Variants in MYLK4 observed in about 807,000 individuals in gnomAD.
The protein encoded by MYLK4 is caMLCK like.
In MYLK4, 46 loss-of-function variants were observed where a neutral mutation model predicts 48.1. The ratio of observed to expected loss-of-function variants is 0.96; its 90% CI spans 0.75 to 1.22. MYLK4 has a LOEUF of 1.22. Ranked by LOEUF, MYLK4 falls within the 50% of genes most tolerant of loss-of-function variation. The pLI, the probability that MYLK4 is intolerant of heterozygous loss-of-function variation, is 0.00. For missense variants in MYLK4, 451 were observed against 486.1 expected, an observed-to-expected ratio of 0.93 and a Z score of 0.68; for synonymous variants, 170 against 180.8, an observed-to-expected ratio of 0.94 and a Z score of 0.48.
chr6:2,675,936 C>CA (rs1400779902), intron 10 of MYLK4, among the ~76,000 whole-genome samples: 2 of 151,758 alleles, frequency 1.3e-5, no homozygotes, highest in African/African-American at 2.4e-5. Flanking sequence ...ACTAAAAATA[C>CA]AAAAAATTAG....
chr6:2,671,395 C>A, intron 11 of MYLK4, 47 bp from the exon 12 acceptor site: 1 of 1,555,930 alleles, frequency 6.4e-7, no homozygotes, highest in East Asian at 2.2e-5. Flanking sequence ...CTGTTTCCTT[C>A]AGGTCCTGAC....
At chr6:2,671,248 A>T in intron 12 of MYLK4, 28 bp downstream of exon 12, 1 of 1,480,214 alleles carries the variant, frequency 6.8e-7, no homozygotes, top group Non-Finnish European at 9.4e-7. Flanking sequence ...GCCTTCACAG[A>T]CACCTCTTCA....
chr6:2,754,362 CTGGTATCTACTACAATATGGA>C (rs1238373466), upstream of MYLK4, among the ~76,000 whole-genome samples: 1 of 151,924 alleles, frequency 6.6e-6, no homozygotes, highest in African/African-American at 2.4e-5. Flanking sequence ...GAATGAAATA[CTGGTATCTACTACAATATGGA>C]TGAGCGAAAA....
the MYLK4 span, chr6:2,765,505 C>T: frequency 3.2e-6 from 4 of 1,252,148 alleles, no homozygotes; most frequent in Non-Finnish European, 4.0e-6. Context: ...CGCGAGCGTC[C>T]TGCTGGTTCC....
chr6:2,765,620 G>A, the MYLK4 span: 54 of 1,520,480 alleles, frequency 3.6e-5, no homozygotes, highest in African/African-American at 5.9e-4. Context: ...GGCGGCGGCC[G>A]CCATGGAGGT....
At chr6:2,690,210 G>C (rs905232029) in intron 3 of MYLK4, among the ~76,000 whole-genome samples, 1 of 152,114 alleles carries the variant, frequency 6.6e-6, no homozygotes, top group African/African-American at 2.4e-5. Context: ...AGTCGGCCCC[G>C]GGAGCTCCTC....
At position 2,685,505 on chromosome 6, in the gene MYLK4, TTGA is replaced by T. The variant is rs1173837773; in HGVS notation, c.410_412del (p.Ile137del). On this transcript the variant is annotated inframe_deletion, in exon 5 of 13. Transcript: ENST00000274643. This position sits in a 1 kb window ranked among gnomAD's most constrained non-coding sequence, Gnocchi z 4.5. ...TACCTTGTCCTTCATGCCTCTGGTC[TTGA>T]TGATTTTGGCTGCCAGCTTCAGACC... The T allele has an allele frequency of 6.2e-7, 1 of 1,614,044 alleles. No homozygotes were observed. Among genetic ancestry groups the T allele is most frequent in the African/African-American group, 1.3e-5 (1 of 74,910 alleles).
At position 2,709,063 on chromosome 6, in the gene MYLK4, TC is replaced by T. The variant is rs373765731; in HGVS notation, c.160-16205del. Among the ~76,000 whole-genome samples, 275 of 152,268 alleles carry T rather than the reference TC, an allele frequency of 1.8e-3. 1 individual carries two copies. Among genetic ancestry groups the T allele is most frequent in the African/African-American group, 6.2e-3 (259 of 41,560 alleles). ...CAACTCACTGCTATTTGACATTTCTTCCCACTTTGGCCATCATAACCCTCTA... is the reference window on the plus strand; with the variant it reads ...CAACTCACTGCTATTTGACATTTCTTCCACTTTGGCCATCATAACCCTCTA... On this transcript the variant is annotated intron_variant, in intron 2 of 12. Transcript: ENST00000274643.
chr6:2,763,423 G>T, the MYLK4 span, among the ~76,000 whole-genome samples: 1 of 152,216 alleles, frequency 6.6e-6, no homozygotes, highest in African/African-American at 2.4e-5. Context: ...CCGCGCAGGA[G>T]TCCCCAGTTG....
At chr6:2,766,273 G>A in the MYLK4 span, 1 of 1,578,610 alleles carries the variant, frequency 6.3e-7, no homozygotes. Context: ...CTGCCGAGGA[G>A]ATCCGACAGA....
At chr6:2,690,262 C>T (rs6925987) in intron 3 of MYLK4, among the ~76,000 whole-genome samples, 2,857 of 152,284 alleles carry the variant, frequency 0.019, 84 homozygotes, top group African/African-American at 0.065. Flanking sequence ...GTGTGTTCTT[C>T]CCCTGTGCCG....
At chr6:2,686,233 C>T (rs1269551958) in intron 4 of MYLK4, among the ~76,000 whole-genome samples, 1 of 152,222 alleles carries the variant, frequency 6.6e-6, no homozygotes, top group East Asian at 1.9e-4. Context: ...TGAGAACCAC[C>T]TTTACAGACA....
At chr6:2,763,377 T>A in the MYLK4 span, among the ~76,000 whole-genome samples, 1 of 152,274 alleles carries the variant, frequency 6.6e-6, no homozygotes, top group East Asian at 1.9e-4. Flanking sequence ...CTGGGTGCCG[T>A]GAGGCAGTAA....
the MYLK4 span, chr6:2,768,768 C>G: frequency 6.2e-7 from 1 of 1,613,686 alleles, no homozygotes; most frequent in Non-Finnish European, 8.5e-7. Context: ...CAACAAATGC[C>G]AAGACAAATG....
chr6:2,699,306 T>TTTTTTTTTTTTTTTTTTTTTC, intron 2 of MYLK4, among the ~76,000 whole-genome samples: 1 of 128,990 alleles, frequency 7.8e-6, no homozygotes, highest in Non-Finnish European at 1.6e-5. Flanking sequence ...TTTTTTTTTT[T>TTTTTTTTTTTTTTTTTTTTTC]TTTGATATGG....
rs1760962880 is a variant in MYLK4 at position 2,673,029 on chromosome 6, G to A, written c.1120-1681C>T. On this transcript the variant is annotated intron_variant, in intron 11 of 12. Coordinates refer to ENST00000274643, the MANE Select transcript of MYLK4 (RefSeq NM_001012418.5). The surrounding 1 kb of genome is among the most constrained non-coding windows in gnomAD (Gnocchi z 4.2). Reference sequence around the variant, plus strand: ...TTAAAAAAAACCCATCATCACTCTTGAACTATCTATTCACCTCAGGTACCA... The same window carrying A: ...TTAAAAAAAACCCATCATCACTCTTAAACTATCTATTCACCTCAGGTACCA... Among the ~76,000 whole-genome samples the A allele has an allele frequency of 6.6e-6, 1 of 151,814 alleles. No homozygotes were observed.
intron 2 of MYLK4, among the ~76,000 whole-genome samples, chr6:2,715,474 C>A (rs953254873): frequency 6.6e-6 from 1 of 152,220 alleles, no homozygotes; most frequent in Admixed American, 6.5e-5. Context: ...TGTTTGGAAC[C>A]TTTCTGAGAA....
rs550603888 is a variant in MYLK4, at chr6:2,690,925, A to G, written c.235+1859T>C. On this transcript the variant is annotated intron_variant, in intron 3 of 12. Coordinates refer to ENST00000274643, the MANE Select transcript of MYLK4 (RefSeq NM_001012418.5). ...GCTCACTGCAAGCTCCGCCTCCCGGATTCAAGCAATTCTCTGCCTCAGCCT... is the reference window on the plus strand; with the variant it reads ...GCTCACTGCAAGCTCCGCCTCCCGGGTTCAAGCAATTCTCTGCCTCAGCCT... Among the ~76,000 whole-genome samples, 307 of 138,278 alleles carry G rather than the reference A, an allele frequency of 2.2e-3. 1 individual carries two copies. Among genetic ancestry groups the G allele is most frequent in the Middle Eastern group, 9.2e-3 (2 of 218 alleles). 90.7% of individuals were successfully genotyped at this position (138,278 alleles called of 152,430 possible). A position where few individuals can be genotyped will look rare whatever the true frequency, so the allele number is the denominator to read the frequency against.
intron 2 of MYLK4, among the ~76,000 whole-genome samples, chr6:2,722,556 T>TGTGTGTGTG (rs1561865814): frequency 2.4e-5 from 3 of 125,084 alleles, no homozygotes; most frequent in Admixed American, 8.2e-5. Flanking sequence ...TGTGTGTGTG[T>TGTGTGTGTG]TGGAGGTGGA....
Sources: allele counts gnomAD v4.1 joint callset (sites outside exome capture counted in the v4.1 genomes callset), GRCh38; gene constraint gnomAD v4.1.1; non-coding constraint Gnocchi (gnomAD v3.1); transcripts MANE v1.5; gene names NCBI Gene and HGNC (gene_info 2026-07-23, HGNC 2026-07-21).